Variants in UTP25 observed in about 807,000 individuals in gnomAD.
UTP25 encodes the protein UTP25 small subunit processome component, also known as U3 small nucleolar RNA-associated protein 25 homolog.
In UTP25, 50 loss-of-function variants were observed where a neutral mutation model predicts 78.9. The observed-to-expected ratio is 0.63, with a 90% CI of 0.50 to 0.80. The LOEUF is 0.80. UTP25 is among the 30% of genes least tolerant of loss of function. The pLI, the probability that UTP25 is intolerant of heterozygous loss-of-function variation, is 0.00. For missense variants in UTP25, 846 were observed against 911.3 expected, an observed-to-expected ratio of 0.93 and a Z score of 0.92; for synonymous variants, 329 against 336.5, an observed-to-expected ratio of 0.98 and a Z score of 0.24.
intron 11 of UTP25, among the ~76,000 whole-genome samples, chr1:209,846,383 C>A (rs953247052): frequency 6.6e-6 from 1 of 152,090 alleles, no homozygotes; most frequent in Non-Finnish European, 1.5e-5. Flanking sequence ...TTTTCCAGTG[C>A]GTTATCAGTG....
chr1:209,842,720 C>T, intron 10 of UTP25, 25 bp downstream of exon 10: 1 of 1,548,978 alleles, frequency 6.5e-7, no homozygotes, highest in Non-Finnish European at 8.9e-7. Flanking sequence ...CCAGCAGGCC[C>T]CTGGGGACCA....
chr1:209,829,312 T>C (rs1190415393), intron 1 of UTP25, among the ~76,000 whole-genome samples: 1 of 152,220 alleles, frequency 6.6e-6, no homozygotes. Context: ...TGTGTGTGTT[T>C]TTAAAGAATT....
chr1:209,829,488 T>C (rs926529305), intron 1 of UTP25, among the ~76,000 whole-genome samples: 10 of 144,394 alleles, frequency 6.9e-5, no homozygotes, highest in Admixed American at 1.4e-4. Context: ...TTTCTTTTCT[T>C]TTTTCTTTTT....
chr1:209,836,270 A>G (rs1572001995), intron 5 of UTP25, among the ~76,000 whole-genome samples: 2 of 152,310 alleles, frequency 1.3e-5, no homozygotes, highest in East Asian at 3.9e-4. Context: ...CAATTTAGCT[A>G]TAATGCAAAA....
intron 11 of UTP25, among the ~76,000 whole-genome samples, chr1:209,845,296 C>T (rs927948324): frequency 6.6e-6 from 1 of 152,202 alleles, no homozygotes; most frequent in East Asian, 1.9e-4. Context: ...ATTATTTGCT[C>T]TGTTCCAGTA....
intron 11 of UTP25, among the ~76,000 whole-genome samples, chr1:209,848,216 T>C (rs2078209333): frequency 6.6e-6 from 1 of 152,236 alleles, no homozygotes; most frequent in South Asian, 2.1e-4. Flanking sequence ...AGTTTGGGGA[T>C]GACTGATTTA....
At position 209,831,012 on chromosome 1, in the gene UTP25, G is replaced by A. The variant is rs949511093; in HGVS notation, c.357G>A (p.Glu119=). 1.2e-6 allele frequency: 2 copies of A among 1,614,148 alleles called. No homozygotes were observed. The highest frequency in any genetic ancestry group is 1.7e-6 in the Non-Finnish European group (2 of 1,180,002). ...GTAGCGATGTCAGTGTGGAAGAAGAGATGGCTGCAGAGTCTACTGAAAGTC... is the reference window on the plus strand; with the variant it reads ...GTAGCGATGTCAGTGTGGAAGAAGAAATGGCTGCAGAGTCTACTGAAAGTC... ...DGGSDVSVEE[E]MAAESTESPE... The change falls in exon 3 of 12, where the codon GAG becomes GAA. Residue 119 remains glutamate (E), a synonymous_variant. Transcript: ENST00000491415.
At position 209,840,969 on chromosome 1, in the gene UTP25, A is replaced by G; in HGVS notation, c.1399A>G (p.Arg467Gly). ...TIIGGEGEKK[R>G]DFDFLSSIEL... ...CATTGGTGGAGAAGGAGAGAAGAAG[A>G]GAGATTTTGACTTTCTGTCTTCTAT... is the stretch of plus-strand genomic sequence containing the variant. The change falls in exon 8 of 12, where the codon AGA (arginine) becomes GGA (glycine). Residue 467 changes from arginine (R) to glycine (G), a missense_variant. Transcript: ENST00000491415. 1 of 1,614,072 alleles carries G rather than the reference A, an allele frequency of 6.2e-7. No individual in the cohort carries two copies.
At chr1:209,836,418 G>GT (rs1332929931) in intron 5 of UTP25, among the ~76,000 whole-genome samples, 1 of 152,172 alleles carries the variant, frequency 6.6e-6, no homozygotes, top group Non-Finnish European at 1.5e-5. Flanking sequence ...GAGGAATTAA[G>GT]TTTTGTGATG....
intron 2 of UTP25, among the ~76,000 whole-genome samples, chr1:209,830,364 GC>G (rs1313319661): frequency 6.6e-6 from 1 of 152,144 alleles, no homozygotes; most frequent in Admixed American, 6.5e-5. Context: ...CAGGAGACTA[GC>G]CTATTAGGCC....
rs2078273758 is a variant in UTP25, at chr1:209,856,105, T to C, written c.*4658T>C. ...GTTGGGACCAACATCACCACTGACA[T>C]TCTGTGGCTCTAAACAAGTCCTCAC... On this transcript the variant is annotated 3_prime_UTR_variant, in exon 12 of 12. Transcript: ENST00000491415. 6.6e-6 allele frequency: 1 copy of C among 152,220 alleles called. No individual in the cohort carries two copies. Among genetic ancestry groups the C allele is most frequent in the Non-Finnish European group, 1.5e-5 (1 of 68,046 alleles). The allele number at this position is 152,220 out of a possible 1,614,324, so 9.4% of individuals were successfully genotyped here.
rs2078257076 is a variant in UTP25, at chr1:209,854,067, T to G, written c.*2620T>G. On this transcript the variant is annotated 3_prime_UTR_variant, in exon 12 of 12. Coordinates refer to ENST00000491415, the MANE Select transcript of UTP25 (RefSeq NM_014388.7). ...GGATGCCTTGAAGATCTGGTCTCTC[T>G]CAACACACAATAAGCGAGAAGAGAG... The G allele has an allele frequency of 6.6e-6, 1 of 152,140 alleles. No homozygotes were observed. Among genetic ancestry groups the G allele is most frequent in the Admixed American group, 6.5e-5 (1 of 15,274 alleles). The allele number at this position is 152,140 out of a possible 1,614,324, so 9.4% of individuals were successfully genotyped here. A position where few individuals can be genotyped will look rare whatever the true frequency, so the allele number is the denominator to read the frequency against.
chr1:209,838,494 C>T (rs781259501), intron 6 of UTP25, among the ~76,000 whole-genome samples: 32 of 151,944 alleles, frequency 2.1e-4, no homozygotes, highest in Non-Finnish European at 4.0e-4. Flanking sequence ...TTTATTTATT[C>T]GACATGTATT....
At position 209,837,301 on chromosome 1, in the gene UTP25, T is replaced by G. The variant is rs2078139310; in HGVS notation, c.1062+90T>G. The G allele has an allele frequency of 4.7e-5, 67 of 1,423,700 alleles. No homozygotes were observed. In the South Asian group the frequency reaches 8.9e-4, roughly 19 times the overall value. 88.2% of individuals were successfully genotyped at this position (1,423,700 alleles called of 1,614,324 possible). A position where few individuals can be genotyped will look rare whatever the true frequency, so the allele number is the denominator to read the frequency against. ...TGACACTTAGCAGGAACTTGGGTAT[T>G]TTAATAATTGACTGGCATAATGAAT... On this transcript the variant is annotated intron_variant, in intron 6 of 11. Coordinates refer to ENST00000491415, the MANE Select transcript of UTP25 (RefSeq NM_014388.7).
At chr1:209,838,684 G>A in intron 6 of UTP25, 1 of 588,240 alleles carries the variant, frequency 1.7e-6, no homozygotes, top group South Asian at 2.0e-5. Flanking sequence ...GTCTCACGTG[G>A]ACTGATGGGT....
At chr1:209,848,826 G>C (rs74156250) in intron 11 of UTP25, among the ~76,000 whole-genome samples, 2,485 of 152,276 alleles carry the variant, frequency 0.016, 60 homozygotes, top group African/African-American at 0.057. Flanking sequence ...ATGGAATGTA[G>C]AGGCTGAAGT....
intron 10 of UTP25, chr1:209,843,172 G>C: frequency 2.1e-6 from 1 of 466,010 alleles, no homozygotes; most frequent in South Asian, 2.6e-5. Context: ...GTGACTGACT[G>C]ACTGACTGAA....
At chr1:209,839,298 A>G (rs746247399) in intron 7 of UTP25, among the ~76,000 whole-genome samples, 170 bp downstream of exon 7, 1 of 152,208 alleles carries the variant, frequency 6.6e-6, no homozygotes, top group South Asian at 2.1e-4. Context: ...GCCTTGGCTA[A>G]TGGGGTGGAC....
rs781152020 is a variant in UTP25, at chr1:209,843,541, C to T, written c.1872C>T (p.Phe624=). 8 of 1,614,166 alleles carry T rather than the reference C, an allele frequency of 5.0e-6. No individual in the cohort carries two copies. Among genetic ancestry groups the T allele is most frequent in the Middle Eastern group, 3.3e-4 (2 of 6,062 alleles). ...TLIYIPSYFD[F]VRLRNYFKKE... is the part of the protein sequence containing the mutation. ...TCTATATCCCCTCCTACTTTGACTT[C>T]GTGCGTCTTCGAAATTACTTCAAGA... The change falls in exon 11 of 12, where the codon TTC becomes TTT. Residue 624 remains phenylalanine, a synonymous_variant. Transcript: ENST00000491415.
Sources: allele counts gnomAD v4.1 joint callset (sites outside exome capture counted in the v4.1 genomes callset), GRCh38; gene constraint gnomAD v4.1.1; transcripts MANE v1.5; gene names NCBI Gene and HGNC (gene_info 2026-07-23, HGNC 2026-07-21).